The following TNIK variants were observed in gnomAD, a reference collection of about 807,000 sequenced individuals.
The protein encoded by TNIK is TRAF2 and NCK interacting kinase.
In TNIK, 49 loss-of-function variants were observed where a neutral mutation model predicts 191.3. The observed-to-expected ratio is 0.26, with a 90% CI of 0.20 to 0.32. The LOEUF is 0.32. Among genes scored for constraint, TNIK ranks in the 10% least tolerant of loss-of-function variants. The pLI is 1.00. For missense variants in TNIK, 1,155 were observed against 1,702.3 expected (o/e 0.68, Z 5.66); for synonymous variants, 594 against 600.9 (o/e 0.99, Z 0.17).
chr3:171,140,164 A>C (rs1287219323), intron 13 of TNIK, among the ~76,000 whole-genome samples: 1 of 152,232 alleles, frequency 6.6e-6, no homozygotes, highest in Non-Finnish European at 1.5e-5. Flanking sequence ...GGTTGGGAGA[A>C]TCGGAAGATC....
At position 171,079,506 on chromosome 3, in the gene TNIK, C is replaced by A; in HGVS notation, c.3448+12G>T. ...ACAGACCAAACTTATAATTCCATGTCTTGAGACTTACCAACTTTATAATGT... is the reference window on the plus strand; with the variant it reads ...ACAGACCAAACTTATAATTCCATGTATTGAGACTTACCAACTTTATAATGT... On this transcript the variant is annotated intron_variant, in intron 28 of 32. Transcript: ENST00000436636. The A allele has an allele frequency of 3.1e-6, 5 of 1,609,882 alleles. No homozygotes were observed. Among genetic ancestry groups the A allele is most frequent in the Non-Finnish European group, 4.2e-6 (5 of 1,178,698 alleles).
chr3:171,420,405 C>A (rs961739002), intron 1 of TNIK, among the ~76,000 whole-genome samples: 1 of 152,142 alleles, frequency 6.6e-6, no homozygotes, highest in African/African-American at 2.4e-5. Context: ...GGTAGGCCCA[C>A]CTCTCCAGCA....
chr3:171,315,110 G>A (rs1481739745), intron 2 of TNIK, among the ~76,000 whole-genome samples: 1 of 152,090 alleles, frequency 6.6e-6, no homozygotes, highest in Non-Finnish European at 1.5e-5. Context: ...GAGGAAGCAG[G>A]GGTAGGAGAT....
chr3:171,312,228 A>C (rs1273686631), intron 2 of TNIK, among the ~76,000 whole-genome samples: 1 of 151,822 alleles, frequency 6.6e-6, no homozygotes, highest in Non-Finnish European at 1.5e-5. Flanking sequence ...GGAAGGAAAT[A>C]CATCAAAAGA....
chr3:171,294,546 C>T lies in TNIK; in HGVS notation c.124-66325G>A, dbSNP rs543169113. Among the ~76,000 whole-genome samples, 498 of 152,022 alleles carry T rather than the reference C, an allele frequency of 3.3e-3. 2 individuals carry two copies. The highest frequency in any genetic ancestry group is 5.6e-3 in the Non-Finnish European group (378 of 67,984). ...GACAAGCCTGGCCTACACGGTGAAA[C>T]CCCATCTCTACTAAAAATACATAAA... is the stretch of plus-strand genomic sequence containing the variant. On this transcript the variant is annotated intron_variant, in intron 2 of 32. Transcript: ENST00000436636.
intron 18 of TNIK, among the ~76,000 whole-genome samples, chr3:171,113,435 C>A (rs899151581): frequency 6.6e-6 from 1 of 152,050 alleles, no homozygotes; most frequent in African/African-American, 2.4e-5. Context: ...GAAACCCCAT[C>A]TCTACTAAAA....
chr3:171,171,582 C>T (rs879281161), intron 9 of TNIK, among the ~76,000 whole-genome samples: 8 of 152,140 alleles, frequency 5.3e-5, no homozygotes, highest in Non-Finnish European at 1.2e-4. Flanking sequence ...TGCTGCTTTG[C>T]CTGTGTGGGC....
chr3:171,332,817 A>T (rs955221090), intron 2 of TNIK, among the ~76,000 whole-genome samples: 3 of 152,242 alleles, frequency 2.0e-5, no homozygotes, highest in African/African-American at 7.2e-5. Flanking sequence ...TTGGCCGGAG[A>T]TTATTCCCAG....
intron 2 of TNIK, among the ~76,000 whole-genome samples, chr3:171,311,001 C>T (rs1345694557): frequency 6.6e-6 from 1 of 152,128 alleles, no homozygotes; most frequent in Non-Finnish European, 1.5e-5. Flanking sequence ...AGCTCAAACA[C>T]AAGTGGCCCC....
At chr3:171,299,393 C>G (rs936615077) in intron 2 of TNIK, among the ~76,000 whole-genome samples, 1 of 151,746 alleles carries the variant, frequency 6.6e-6, no homozygotes, top group Non-Finnish European at 1.5e-5. Context: ...GTGTAAGTAA[C>G]AAAGCTCTGA....
intron 1 of TNIK, among the ~76,000 whole-genome samples, chr3:171,423,339 A>G (rs559735647): frequency 3.3e-5 from 5 of 152,300 alleles, no homozygotes; most frequent in Admixed American, 2.0e-4. Flanking sequence ...AAGAGGATAC[A>G]AACAAATGGA....
chr3:171,170,027 AG>A (rs1430210949), intron 9 of TNIK, among the ~76,000 whole-genome samples: 1 of 152,236 alleles, frequency 6.6e-6, no homozygotes, highest in Non-Finnish European at 1.5e-5. Flanking sequence ...CTTATTTAAG[AG>A]TGAAAACACT....
rs1341486843 is a variant in TNIK at position 171,069,010 on chromosome 3, C to G, written c.3550-13G>C. On this transcript the variant is annotated splice_polypyrimidine_tract_variant and intron_variant, in intron 29 of 32. Coordinates refer to ENST00000436636, the MANE Select transcript of TNIK (RefSeq NM_015028.4). ...GATCTGCAAAAGACTTTAAAAATCACCCCATTAGTATCCGCATCACTCAAA... is the reference window on the plus strand; with the variant it reads ...GATCTGCAAAAGACTTTAAAAATCAGCCCATTAGTATCCGCATCACTCAAA... The G allele has an allele frequency of 1.9e-5, 30 of 1,606,534 alleles. No homozygotes were observed. Among genetic ancestry groups the G allele is most frequent in the Non-Finnish European group, 2.6e-5 (30 of 1,176,398 alleles).
chr3:171,433,552 T>C (rs1324506928), intron 1 of TNIK, among the ~76,000 whole-genome samples: 1 of 152,092 alleles, frequency 6.6e-6, no homozygotes, highest in Non-Finnish European at 1.5e-5. Context: ...ATGCGGCAAA[T>C]ATTGCATCAC....
chr3:171,376,742 TA>T (rs1284420972), intron 1 of TNIK, among the ~76,000 whole-genome samples: 3 of 144,244 alleles, frequency 2.1e-5, no homozygotes, highest in East Asian at 2.0e-4. Context: ...GATAGATAGA[TA>T]GATGATAGAT....
chr3:171,429,996 C>T (rs549985783), intron 1 of TNIK, among the ~76,000 whole-genome samples: 1 of 152,202 alleles, frequency 6.6e-6, no homozygotes, highest in East Asian at 1.9e-4. Flanking sequence ...TTTGGGGACC[C>T]ATCCCAGACC....
chr3:171,338,522 T>C (rs1757199992), intron 2 of TNIK, among the ~76,000 whole-genome samples: 1 of 152,224 alleles, frequency 6.6e-6, no homozygotes, highest in Non-Finnish European at 1.5e-5. Flanking sequence ...AATGTCTCGC[T>C]CTATTGCCCA....
At chr3:171,302,386 GATAAC>G (rs1191007320) in intron 2 of TNIK, among the ~76,000 whole-genome samples, 1 of 152,120 alleles carries the variant, frequency 6.6e-6, no homozygotes, top group Non-Finnish European at 1.5e-5. Flanking sequence ...TCAGAAAGTG[GATAAC>G]TTCTCACTTG....
chr3:171,245,176 G>A (rs1745455779), intron 2 of TNIK, among the ~76,000 whole-genome samples: 3 of 152,100 alleles, frequency 2.0e-5, no homozygotes, highest in African/African-American at 7.2e-5. Flanking sequence ...TAGGGACTTG[G>A]GCTCTATAAA....
Sources: gnomAD v4.1 joint callset for allele counts (sites outside exome capture counted in the v4.1 genomes callset) on GRCh38, gnomAD v4.1.1 for gene constraint, MANE v1.5 for transcripts, NCBI Gene and HGNC (gene_info 2026-07-23, HGNC 2026-07-21) for gene names.